COX10: variants seen among roughly 807,000 people sequenced by gnomAD.
The protein encoded by COX10 is protoheme IX farnesyltransferase, mitochondrial.
Under a neutral mutation model 37.3 loss-of-function variants are expected in COX10, and 27 were observed. The observed-to-expected ratio is 0.72, with a 90% CI of 0.53 to 1.00. COX10 has a LOEUF of 1.00. COX10 is among the 50% of genes least tolerant of loss of function. COX10 has a pLI of 0.00. For synonymous variants in COX10, 222 were observed against 229.1 expected (o/e 0.97, Z 0.28); for missense variants, 475 against 563.2 (o/e 0.84, Z 1.59).
In COX10 at chr17:14,107,670, T is replaced by TAC. The variant is rs57092278; in HGVS notation, c.624+5451_624+5452dup. 8.7e-3 allele frequency among the ~76,000 whole-genome samples: 1,304 copies of TAC among 149,710 alleles called. 30 individuals are homozygous for TAC. The East Asian group carries it at 0.088, about 10-fold the overall frequency. ...TACTGTCAGCCTAATTGTACTGTTT[T>TAC]ACACACACACACACACACACACACC... On this transcript the variant is annotated intron_variant, in intron 4 of 6. Transcript: ENST00000261643.
At chr17:14,185,838 AAAG>A (rs1336086578) in intron 5 of COX10, among the ~76,000 whole-genome samples, 4 of 150,536 alleles carry the variant, frequency 2.7e-5, no homozygotes, top group Non-Finnish European at 5.9e-5. Flanking sequence ...TAGTCCAGAA[AAAG>A]AAGACTAAGA....
At chr17:14,158,829 C>T (rs1051399421) in intron 4 of COX10, among the ~76,000 whole-genome samples, 2 of 152,122 alleles carry the variant, frequency 1.3e-5, no homozygotes, top group African/African-American at 4.8e-5. Context: ...CTGACTTCAG[C>T]CTTCCATTGA....
At chr17:14,156,852 G>T (rs1224549858) in intron 4 of COX10, among the ~76,000 whole-genome samples, 2 of 152,148 alleles carry the variant, frequency 1.3e-5, no homozygotes. Flanking sequence ...CTGCACATGT[G>T]ATTATAATTA....
intron 5 of COX10, among the ~76,000 whole-genome samples, chr17:14,175,605 A>T (rs552279485): frequency 2.0e-5 from 3 of 152,148 alleles, no homozygotes; most frequent in African/African-American, 7.2e-5. Flanking sequence ...TAAATGCTGG[A>T]ATATGACCAG....
chr17:14,112,352 C>T (rs1425768576), intron 4 of COX10, among the ~76,000 whole-genome samples: 1 of 152,118 alleles, frequency 6.6e-6, no homozygotes, highest in Non-Finnish European at 1.5e-5. Context: ...CATTCACCCA[C>T]CTATTAGAAA....
In COX10 at chr17:14,082,956, C is replaced by G. The variant is rs141111425; in HGVS notation, c.499+5900C>G. Among the ~76,000 whole-genome samples, 8 of 152,280 alleles carry G rather than the reference C, an allele frequency of 5.3e-5. 2 individuals carry two copies. The East Asian group carries it at 1.5e-3, about 29-fold the overall frequency. On this transcript the variant is annotated intron_variant, in intron 3 of 6. Coordinates refer to ENST00000261643, the MANE Select transcript of COX10 (RefSeq NM_001303.4). ...TGTTAGGTAGGCAGCGAGTACTAGT[C>G]CCAGACCGAGTGGTCTGACTGGATG...
intron 4 of COX10, among the ~76,000 whole-genome samples, chr17:14,105,724 C>G (rs529253051): frequency 1.3e-5 from 2 of 152,152 alleles, no homozygotes; most frequent in South Asian, 4.1e-4. Context: ...TTCCTTTATG[C>G]CGGACATTGT....
At chr17:14,082,699 T>C (rs1045158570) in intron 3 of COX10, among the ~76,000 whole-genome samples, 5 of 152,168 alleles carry the variant, frequency 3.3e-5, no homozygotes, top group African/African-American at 1.2e-4. Flanking sequence ...ATTAATTATT[T>C]AATAGTGCAT....
At chr17:14,186,985 GTTTT>G (rs36094568) in intron 5 of COX10, among the ~76,000 whole-genome samples, 3 of 148,724 alleles carry the variant, frequency 2.0e-5, no homozygotes, top group Non-Finnish European at 4.5e-5. Context: ...TTATTTTAAG[GTTTT>G]TTTTTTTTAA....
At chr17:14,103,360 T>A (rs1250841955) in intron 4 of COX10, among the ~76,000 whole-genome samples, 1 of 152,180 alleles carries the variant, frequency 6.6e-6, no homozygotes, top group Non-Finnish European at 1.5e-5. Flanking sequence ...TTGGGTCTAT[T>A]TTTTATTTTT....
At chr17:14,156,290 A>G (rs746696676) in intron 4 of COX10, among the ~76,000 whole-genome samples, 1 of 152,124 alleles carries the variant, frequency 6.6e-6, no homozygotes, top group Non-Finnish European at 1.5e-5. Context: ...CAGTGGCACA[A>G]TCTCAGCTCA....
At position 14,069,505 on chromosome 17, in the gene COX10, C is replaced by T. The variant is rs1914957819; in HGVS notation, c.-101C>T. On this transcript the variant is annotated 5_prime_UTR_variant, in exon 1 of 7. Transcript: ENST00000261643. ...GCCCGCCGGAAGTGGCGGCCCGGAACTACTCCCACAGGGGGGCGGGGAAGG... is the reference window on the plus strand; with the variant it reads ...GCCCGCCGGAAGTGGCGGCCCGGAATTACTCCCACAGGGGGGCGGGGAAGG... 2.8e-6 allele frequency: 4 copies of T among 1,431,748 alleles called. No individual in the cohort carries two copies. In the South Asian group the frequency reaches 4.7e-5, roughly 17 times the overall value. 88.7% of individuals were successfully genotyped at this position (1,431,748 alleles called of 1,614,324 possible). A position where few individuals can be genotyped will look rare whatever the true frequency, so the allele number is the denominator to read the frequency against.
intron 4 of COX10, among the ~76,000 whole-genome samples, 166 bp from the exon 5 acceptor site, chr17:14,159,711 T>C (rs1359666034): frequency 6.6e-6 from 1 of 152,208 alleles, no homozygotes; most frequent in African/African-American, 2.4e-5. Flanking sequence ...GTTTTTTGTT[T>C]GTTTGTTTGT....
intron 4 of COX10, among the ~76,000 whole-genome samples, chr17:14,111,095 A>T (rs1915998194): frequency 6.6e-6 from 1 of 152,116 alleles, no homozygotes; most frequent in South Asian, 2.1e-4. Flanking sequence ...TGCTGTTTCT[A>T]ACTAGTAATA....
chr17:14,141,107 G>C (rs1166607755), intron 4 of COX10, among the ~76,000 whole-genome samples: 1 of 151,904 alleles, frequency 6.6e-6, no homozygotes, highest in Non-Finnish European at 1.5e-5. Flanking sequence ...TTATGTTATA[G>C]TGTTAATTTA....
chr17:14,097,260 T>G (rs1915671558), intron 3 of COX10, among the ~76,000 whole-genome samples: 1 of 152,130 alleles, frequency 6.6e-6, no homozygotes. Flanking sequence ...CTCACTGCCT[T>G]TTTCAAATTA....
At chr17:14,078,071 A>C (rs1318048667) in intron 3 of COX10, among the ~76,000 whole-genome samples, 1 of 152,098 alleles carries the variant, frequency 6.6e-6, no homozygotes, top group Admixed American at 6.5e-5. Flanking sequence ...GCTTTGGTGA[A>C]GGAGCTAAAA....
chr17:14,099,672 C>T (rs1454520332), intron 3 of COX10, among the ~76,000 whole-genome samples: 3 of 152,052 alleles, frequency 2.0e-5, no homozygotes, highest in Non-Finnish European at 4.4e-5. Context: ...GACTTTTTCA[C>T]ATACTTCTCT....
At chr17:14,116,811 C>T (rs1916124308) in intron 4 of COX10, among the ~76,000 whole-genome samples, 1 of 152,158 alleles carries the variant, frequency 6.6e-6, no homozygotes. Context: ...ATTACTACTT[C>T]TACCTTCTCC....
Sources: gnomAD v4.1 joint callset for allele counts (sites outside exome capture counted in the v4.1 genomes callset) on GRCh38, gnomAD v4.1.1 for gene constraint, MANE v1.5 for transcripts, NCBI Gene and HGNC (gene_info 2026-07-23, HGNC 2026-07-21) for gene names.